TTBK1: variants seen among roughly 807,000 people sequenced by gnomAD.
TTBK1 encodes tau tubulin kinase 1.
In TTBK1, 34 loss-of-function variants were observed where a neutral mutation model predicts 108.5. That is an observed-to-expected ratio of 0.31 (90% confidence interval 0.24 to 0.42). The LOEUF (loss-of-function observed/expected upper bound fraction) is 0.42. TTBK1 is among the 10% of genes least tolerant of loss of function. TTBK1 has a pLI of 1.00. For synonymous variants in TTBK1, 809 were observed against 795.1 expected (o/e 1.02, Z -0.29); for missense variants, 1,539 against 1,826.0 (o/e 0.84, Z 2.86).
chr6:43,270,243 A>C, intron 13 of TTBK1: 1 of 1,228,684 alleles, frequency 8.1e-7, no homozygotes, highest in Non-Finnish European at 1.0e-6. Context: ...GCTCAGCTGG[A>C]GCCACTGATG....
chr6:43,270,983 T>C (rs1166595963), intron 13 of TTBK1: 2 of 985,304 alleles, frequency 2.0e-6, no homozygotes, highest in African/African-American at 3.5e-5. Flanking sequence ...GCAGGTTGGA[T>C]AGGGATCTGG....
At chr6:43,262,735 C>A in intron 12 of TTBK1, 54 bp from the exon 13 acceptor site, 2 of 1,463,672 alleles carry the variant, frequency 1.4e-6, no homozygotes, top group Non-Finnish European at 1.8e-6. Context: ...GGCGTGGGGT[C>A]CTTGGGGGTC....
intron 13 of TTBK1, among the ~76,000 whole-genome samples, chr6:43,279,844 C>T (rs557397153): frequency 1.0e-3 from 155 of 152,024 alleles, no homozygotes; most frequent in Non-Finnish European, 3.1e-4. Context: ...GATCACAGCT[C>T]ACTGCAGCCT....
chr6:43,285,101 C>T lies in TTBK1; in HGVS notation c.3691C>T (p.Arg1231Cys). The T allele has an allele frequency of 1.4e-6, 2 of 1,478,092 alleles. No homozygotes were observed. The highest frequency in any genetic ancestry group is 1.8e-6 in the Non-Finnish European group (2 of 1,122,440). The allele number at this position is 1,478,092 out of a possible 1,614,324, so 91.6% of individuals were successfully genotyped here. A position where few individuals can be genotyped will look rare whatever the true frequency, so the allele number is the denominator to read the frequency against. Reference protein sequence around the residue: ...AQAGARPPAPRSPRLPASTSA... With the variant: ...AQAGARPPAPCSPRLPASTSA... The stretch of plus-strand genomic sequence containing the variant: ...AGCCGGAGCCAGGCCCCCAGCGCCG[C>T]GCAGCCCGCGCCTCCCCGCGTCCAC... Residue 1231 changes from arginine (R) to cysteine (C), a missense_variant, in exon 15 of 15, where the codon CGC (arginine) becomes TGC (cysteine). By Grantham distance (180) the Arg-to-Cys change is radical. This residue lies in a region of TTBK1 where 1,055 missense variants were observed against 1,086.5 expected (regional missense o/e 0.97). Transcript: ENST00000259750. The surrounding 1 kb of genome is among the most constrained non-coding windows in gnomAD (Gnocchi z 4.7).
rs528408568 is a variant in TTBK1 at position 43,262,904 on chromosome 6, G to A, written c.1540G>A (p.Val514Met). 5.0e-6 allele frequency: 8 copies of A among 1,613,932 alleles called. No individual in the cohort carries two copies. The highest frequency in any genetic ancestry group is 3.3e-5 in the South Asian group (3 of 91,042). ...CCGACAGGCCAGTGGCCGCATGGAC[G>A]TGTCAGCCTCTGTGGAGCAGGAGGC... is the stretch of plus-strand genomic sequence containing the variant. ...ADRQASGRMD[V>M]SASVEQEALS... Residue 514 changes from valine to methionine, a missense_variant, in exon 13 of 15, where the codon GTG (valine) becomes ATG (methionine). By Grantham distance (21) the Val-to-Met change is conservative (BLOSUM62 1). This residue lies in a region of TTBK1 where 277 missense variants were observed against 332.4 expected (regional missense o/e 0.83). Transcript: ENST00000259750.
At position 43,283,972 on chromosome 6, in the gene TTBK1, C is replaced by T. The variant is rs774148264; in HGVS notation, c.3232C>T (p.Arg1078Trp). 11 of 1,611,052 alleles carry T rather than the reference C, an allele frequency of 6.8e-6. No individual in the cohort carries two copies. The highest frequency in any genetic ancestry group is 3.3e-5 in the Admixed American group (2 of 59,896). ...EPSGSLSAKE[R>W]WSKRARPQQD... ...CTCAGGCTCACTGTCGGCCAAAGAGCGGTGGAGCAAGCGGGCTCGGCCGCA... is the reference window on the plus strand; with the variant it reads ...CTCAGGCTCACTGTCGGCCAAAGAGTGGTGGAGCAAGCGGGCTCGGCCGCA... The change falls in exon 14 of 15, where the codon CGG (arginine) becomes TGG (tryptophan). Residue 1078 changes from arginine to tryptophan, a missense_variant. Arg to Trp is a moderately radical substitution (Grantham distance 101, BLOSUM62 -3). This residue lies in a region of TTBK1 where 1,055 missense variants were observed against 1,086.5 expected (regional missense o/e 0.97). Coordinates refer to ENST00000259750, the MANE Select transcript of TTBK1 (RefSeq NM_032538.3). The surrounding 1 kb of genome is among the most constrained non-coding windows in gnomAD (Gnocchi z 8.1).
intron 13 of TTBK1, among the ~76,000 whole-genome samples, chr6:43,268,258 G>A (rs1457048024): frequency 2.0e-5 from 3 of 152,214 alleles, no homozygotes; most frequent in Non-Finnish European, 4.4e-5. Flanking sequence ...GGGGCTTTGG[G>A]CAATGGTGGT....
chr6:43,284,288 C>G lies in TTBK1; in HGVS notation c.3548C>G (p.Ala1183Gly). The change falls in exon 14 of 15, where the codon GCA becomes GGA. Residue 1183 changes from alanine (A) to glycine (G), a missense_variant. By Grantham distance (60) the Ala-to-Gly change is moderately conservative. Transcript: ENST00000259750. ...PASRSHGAAP[A>G]LDTAITSRLQ... is the part of the protein sequence containing the mutation. ...AGCAGATCCCATGGCGCGGCCCCAGCATTGGACACAGCCATCACCAGCAGG... is the reference window on the plus strand; with the variant it reads ...AGCAGATCCCATGGCGCGGCCCCAGGATTGGACACAGCCATCACCAGCAGG... The G allele has an allele frequency of 6.3e-7, 1 of 1,581,750 alleles. No homozygotes were observed. The highest frequency in any genetic ancestry group is 1.3e-5 in the African/African-American group (1 of 74,492).
intron 2 of TTBK1, among the ~76,000 whole-genome samples, chr6:43,247,116 C>T (rs975569944): frequency 1.3e-5 from 2 of 151,006 alleles, no homozygotes; most frequent in African/African-American, 4.9e-5. Flanking sequence ...CTCTGACGGA[C>T]CTTGGAGAAG....
intron 13 of TTBK1, among the ~76,000 whole-genome samples, chr6:43,277,521 C>T (rs943727879): frequency 1.3e-5 from 2 of 152,236 alleles, no homozygotes; most frequent in Non-Finnish European, 2.9e-5. Flanking sequence ...AGAAGACGCC[C>T]CCCACAGGCT....
At chr6:43,252,958 A>C in intron 3 of TTBK1, 72 bp downstream of exon 3, 33 of 1,557,540 alleles carry the variant, frequency 2.1e-5, no homozygotes, top group Middle Eastern at 2.1e-4. Flanking sequence ...TGATAAGATC[A>C]GAAGCTGGGG....
Position 43,257,443 on chromosome 6 carries a change from C to T in TTBK1, c.862-369C>T, listed in dbSNP as rs1777411097. Among the ~76,000 whole-genome samples the T allele has an allele frequency of 6.6e-6, 1 of 152,066 alleles. No homozygotes were observed. The highest frequency in any genetic ancestry group is 2.1e-4 in the South Asian group (1 of 4,826). On this transcript the variant is annotated intron_variant, in intron 9 of 14. Coordinates refer to ENST00000259750, the MANE Select transcript of TTBK1 (RefSeq NM_032538.3). The surrounding 1 kb of genome is among the most constrained non-coding windows in gnomAD (Gnocchi z 4.5). Reference sequence around the variant, plus strand: ...GAGAGGATGAGTGGGAGGGGCGCCCCAGCAGAGGGGCAGTCTGTGCAGAGG... The same window carrying T: ...GAGAGGATGAGTGGGAGGGGCGCCCTAGCAGAGGGGCAGTCTGTGCAGAGG...
At position 43,285,442 on chromosome 6, in the gene TTBK1, T is replaced by G; in HGVS notation, c.*66T>G. The G allele has an allele frequency of 1.8e-6, 2 of 1,091,070 alleles. No homozygotes were observed. Among genetic ancestry groups the G allele is most frequent in the Non-Finnish European group, 2.3e-6 (2 of 876,784 alleles). 67.6% of individuals were successfully genotyped at this position (1,091,070 alleles called of 1,614,324 possible). The stretch of plus-strand genomic sequence containing the variant: ...GCCCCCCACCCGCAGCCGGCCACAC[T>G]GGAGCAGCTCCCAGCACAGCCTTAC... On this transcript the variant is annotated 3_prime_UTR_variant, in exon 15 of 15. Transcript: ENST00000259750. The surrounding 1 kb of genome is among the most constrained non-coding windows in gnomAD (Gnocchi z 4.7).
intron 2 of TTBK1, chr6:43,248,187 G>A (rs1489916833): frequency 6.6e-6 from 1 of 152,306 alleles, no homozygotes; most frequent in Non-Finnish European, 1.5e-5. Context: ...AGTAGAAGAT[G>A]AGTGGGGAGC....
intron 9 of TTBK1, among the ~76,000 whole-genome samples, chr6:43,256,176 C>T (rs1366826767): frequency 6.7e-6 from 1 of 150,078 alleles, no homozygotes; most frequent in African/African-American, 2.5e-5. Flanking sequence ...TGCTCTGTCA[C>T]CCAGGCTGGA....
intron 13 of TTBK1, chr6:43,271,096 A>T (rs985989911): frequency 3.7e-5 from 36 of 985,300 alleles, no homozygotes; most frequent in Non-Finnish European, 4.3e-5. Context: ...GTTTCCCTTT[A>T]TTCATCCTGC....
intron 13 of TTBK1, chr6:43,270,486 G>A (rs1403143200): frequency 2.0e-6 from 2 of 988,604 alleles, no homozygotes; most frequent in South Asian, 4.7e-5. Flanking sequence ...GGCCAGGACA[G>A]CCAGGTTTGG....
intron 13 of TTBK1, among the ~76,000 whole-genome samples, chr6:43,278,527 T>C (rs1778068792): frequency 6.6e-6 from 1 of 152,104 alleles, no homozygotes; most frequent in African/African-American, 2.4e-5. Context: ...GGATCCAGGA[T>C]TGTGTATTTT....
At chr6:43,248,915 A>C (rs1777167002) in intron 2 of TTBK1, among the ~76,000 whole-genome samples, 1 of 152,182 alleles carries the variant, frequency 6.6e-6, no homozygotes, top group Non-Finnish European at 1.5e-5. Flanking sequence ...ATTTGTTTTG[A>C]GCATTCACTG....
Sources: allele counts gnomAD v4.1 joint callset (sites outside exome capture counted in the v4.1 genomes callset), GRCh38; gene constraint gnomAD v4.1.1; regional missense constraint gnomAD v4.1.1; non-coding constraint Gnocchi (gnomAD v3.1); transcripts MANE v1.5; gene names NCBI Gene and HGNC (gene_info 2026-07-23, HGNC 2026-07-21).